Variants in RBBP5 observed in about 807,000 individuals in gnomAD.
RBBP5 encodes the protein RB binding protein 5, histone lysine methyltransferase complex subunit, also known as retinoblastoma-binding protein 5.
In RBBP5, 5 loss-of-function variants were observed where a neutral mutation model predicts 72.2. That is an observed-to-expected ratio of 0.07 (90% CI 0.04 to 0.15). The LOEUF is 0.15. Among genes scored for constraint, RBBP5 ranks in the 10% least tolerant of loss-of-function variants. RBBP5 has a pLI of 1.00. For missense variants in RBBP5, 322 were observed against 652.2 expected (o/e 0.49, Z 5.51); for synonymous variants, 209 against 237.2 (o/e 0.88, Z 1.09).
chr1:205,103,917 G>A lies in RBBP5; in HGVS notation c.462C>T (p.Asn154=), dbSNP rs761324751. The A allele has an allele frequency of 8.7e-6, 14 of 1,613,978 alleles. No individual in the cohort carries two copies. The highest frequency in any genetic ancestry group is 4.5e-5 in the East Asian group (2 of 44,900). Residue 154 remains asparagine, a synonymous_variant, in exon 5 of 14, where the codon AAC becomes AAT. Transcript: ENST00000264515. ...CTCGCCTATCAAAAGATGCCACAACGTTCAAATCGGAGTCATCGTCCACCG... is the reference window on the plus strand; with the variant it reads ...CTCGCCTATCAAAAGATGCCACAACATTCAAATCGGAGTCATCGTCCACCG... The part of the protein sequence containing the change: ...VLPVDDDSDL[N]VVASFDRRGE...
chr1:205,096,123 G>A (rs1276721348), intron 12 of RBBP5, among the ~76,000 whole-genome samples: 1 of 152,126 alleles, frequency 6.6e-6, no homozygotes, highest in Non-Finnish European at 1.5e-5. Flanking sequence ...AACCCGGGAG[G>A]CGGAGGTTGC....
At chr1:205,114,306 A>G (rs1349393587) in intron 3 of RBBP5, among the ~76,000 whole-genome samples, 1 of 152,232 alleles carries the variant, frequency 6.6e-6, no homozygotes, top group Non-Finnish European at 1.5e-5. Context: ...AGAGAGCAAG[A>G]GTGAAATCAA....
intron 3 of RBBP5, among the ~76,000 whole-genome samples, chr1:205,109,538 C>T (rs1323016449): frequency 3.4e-5 from 5 of 149,098 alleles, no homozygotes; most frequent in Non-Finnish European, 7.4e-5. Context: ...ATTCTATTTT[C>T]CCTCTAAACT....
Position 205,088,759 on chromosome 1 carries a change from GAGA to G in RBBP5, c.*25_*27del. 6.3e-7 allele frequency: 1 copy of G among 1,579,948 alleles called. No individual in the cohort carries two copies. The highest frequency in any genetic ancestry group is 8.7e-7 in the Non-Finnish European group (1 of 1,155,714). ...TCCAGAGGCCACATGATGGCAAAGT[GAGA>G]AAGAATGAAGAACTTCGAAGGTCTT... On this transcript the variant is annotated 3_prime_UTR_variant, in exon 14 of 14. Transcript: ENST00000264515.
At chr1:205,093,349 T>C (rs918159174) in intron 13 of RBBP5, among the ~76,000 whole-genome samples, 2 of 147,712 alleles carry the variant, frequency 1.4e-5, no homozygotes, top group Admixed American at 6.9e-5. Context: ...TAATCCCAGC[T>C]ACTCAGGAAG....
chr1:205,090,924 T>G (rs1423536388), intron 13 of RBBP5, among the ~76,000 whole-genome samples: 3 of 150,834 alleles, frequency 2.0e-5, no homozygotes, highest in African/African-American at 7.3e-5. Flanking sequence ...AAAACAAAAC[T>G]ACCAAGCATT....
intron 3 of RBBP5, among the ~76,000 whole-genome samples, chr1:205,110,139 C>A (rs2102313722): frequency 6.6e-6 from 1 of 152,090 alleles, no homozygotes; most frequent in Middle Eastern, 3.4e-3. Flanking sequence ...CCTGCCTCAG[C>A]CTCCCGAGTA....
At chr1:205,113,608 A>C (rs1191376686) in intron 3 of RBBP5, among the ~76,000 whole-genome samples, 1 of 152,132 alleles carries the variant, frequency 6.6e-6, no homozygotes, top group East Asian at 1.9e-4. Context: ...CACAACTCTG[A>C]ATATATAAAA....
intron 3 of RBBP5, among the ~76,000 whole-genome samples, chr1:205,108,330 T>A (rs182549789): frequency 1.3e-5 from 2 of 152,228 alleles, no homozygotes; most frequent in Non-Finnish European, 2.9e-5. Flanking sequence ...TGTCAATGTA[T>A]GTAGAGCAAA....
At chr1:205,121,054 T>C (rs1485758006) in intron 1 of RBBP5, among the ~76,000 whole-genome samples, 2 of 152,212 alleles carry the variant, frequency 1.3e-5, no homozygotes, top group African/African-American at 2.4e-5. Context: ...ACAATTAACA[T>C]ATCTTCTGAC....
At chr1:205,093,312 T>A (rs1655425831) in intron 13 of RBBP5, among the ~76,000 whole-genome samples, 1 of 149,576 alleles carries the variant, frequency 6.7e-6, no homozygotes, top group South Asian at 2.1e-4. Context: ...AAACACAAAA[T>A]TAGCCAAGCA....
chr1:205,091,593 T>C (rs1231043613), intron 13 of RBBP5: 1 of 152,240 alleles, frequency 6.6e-6, no homozygotes, highest in East Asian at 1.9e-4. Context: ...TTGAAATGCA[T>C]ACTCTCCTGT....
intron 1 of RBBP5, chr1:205,116,337 T>C (rs780305941): frequency 7.8e-6 from 3 of 382,208 alleles, no homozygotes; most frequent in South Asian, 1.9e-5. Flanking sequence ...AACTTCTAAA[T>C]TGGTAAACAC....
chr1:205,097,459 T>G (rs1655660135), intron 10 of RBBP5, 64 bp from the exon 11 acceptor site: 1 of 1,437,484 alleles, frequency 7.0e-7, no homozygotes, highest in Non-Finnish European at 9.6e-7. Context: ...ATTTGCAGCT[T>G]CAAGGTTTTC....
intron 5 of RBBP5, among the ~76,000 whole-genome samples, chr1:205,102,050 C>T (rs1354867590): frequency 6.6e-6 from 1 of 152,070 alleles, no homozygotes; most frequent in African/African-American, 2.4e-5. Flanking sequence ...GCATGCGCCA[C>T]GACGCCTGGC....
In RBBP5 at chr1:205,121,972, G is replaced by C. The variant is rs776652108; in HGVS notation, c.-99C>G. ...GTCTAAGTGGTGGACGCCGCGAAGA[G>C]ACTGGCGCAAGCTCCGAAGACTTTC... On this transcript the variant is annotated 5_prime_UTR_variant, in exon 1 of 14. Transcript: ENST00000264515. The C allele has an allele frequency of 6.5e-5, 102 of 1,564,594 alleles. No homozygotes were observed. The highest frequency in any genetic ancestry group is 7.9e-5 in the Non-Finnish European group (91 of 1,153,120).
chr1:205,103,825 A>G (rs1655942543), intron 5 of RBBP5, 32 bp downstream of exon 5: 3 of 1,601,696 alleles, frequency 1.9e-6, no homozygotes, highest in Non-Finnish European at 2.6e-6. Context: ...GCCAGTGTAC[A>G]AGATGCCTGA....
In RBBP5 at chr1:205,088,754, A is replaced by C. The variant is rs1655222257; in HGVS notation, c.*33T>G. ...CAGTGTCCAGAGGCCACATGATGGC[A>C]AAGTGAGAAAGAATGAAGAACTTCG... On this transcript the variant is annotated 3_prime_UTR_variant, in exon 14 of 14. Coordinates refer to ENST00000264515, the MANE Select transcript of RBBP5 (RefSeq NM_005057.4). 1 of 1,576,976 alleles carries C rather than the reference A, an allele frequency of 6.3e-7. No homozygotes were observed. Among genetic ancestry groups the C allele is most frequent in the East Asian group, 2.3e-5 (1 of 44,014 alleles).
At chr1:205,117,977 T>C (rs1025644206) in intron 1 of RBBP5, among the ~76,000 whole-genome samples, 1 of 151,816 alleles carries the variant, frequency 6.6e-6, no homozygotes, top group Non-Finnish European at 1.5e-5. Context: ...GTCCGGCTAA[T>C]TTTTGTATTT....
Sources: allele counts gnomAD v4.1 joint callset (sites outside exome capture counted in the v4.1 genomes callset), GRCh38; gene constraint gnomAD v4.1.1; transcripts MANE v1.5; gene names NCBI Gene and HGNC (gene_info 2026-07-23, HGNC 2026-07-21).